The following TRABD2B variants were observed in gnomAD, a reference collection of about 807,000 sequenced individuals.
The protein encoded by TRABD2B is metalloprotease TIKI2.
A neutral mutation model predicts 40.1 loss-of-function variants in TRABD2B; 14 were observed. The observed-to-expected ratio is 0.35, with a 90% CI of 0.23 to 0.55. TRABD2B has a LOEUF of 0.55. Ranked by LOEUF, TRABD2B falls within the 20% of genes least tolerant of loss-of-function variation. TRABD2B has a pLI of 0.90. For missense variants in TRABD2B, 541 were observed against 648.6 expected, an observed-to-expected ratio of 0.83 and a Z score of 1.80; for synonymous variants, 263 against 277.0, an observed-to-expected ratio of 0.95 and a Z score of 0.50.
At chr1:47,850,544 G>C (rs1037213109) in intron 2 of TRABD2B, among the ~76,000 whole-genome samples, 2 of 152,234 alleles carry the variant, frequency 1.3e-5, no homozygotes, top group African/African-American at 2.4e-5. Flanking sequence ...TGCAGAGCTA[G>C]AGCTGAGCCT....
At chr1:47,854,047 CAT>C (rs1643866316) in intron 2 of TRABD2B, among the ~76,000 whole-genome samples, 1 of 152,228 alleles carries the variant, frequency 6.6e-6, no homozygotes, top group African/African-American at 2.4e-5. Flanking sequence ...TCCCACAATT[CAT>C]ATGACATAAT....
chr1:47,839,038 C>T (rs1645357894), intron 2 of TRABD2B, among the ~76,000 whole-genome samples: 2 of 152,196 alleles, frequency 1.3e-5, no homozygotes, highest in Admixed American at 1.3e-4. Context: ...TCCTGGTCCC[C>T]ATCTGCTGTG....
At chr1:47,949,406 T>C (rs1233175598) in intron 2 of TRABD2B, among the ~76,000 whole-genome samples, 3 of 136,874 alleles carry the variant, frequency 2.2e-5, no homozygotes, top group African/African-American at 5.3e-5. Context: ...TCTTTCTTTT[T>C]TTTTTTTTTT....
chr1:47,951,301 T>C (rs1050680184), intron 2 of TRABD2B, among the ~76,000 whole-genome samples: 1 of 152,222 alleles, frequency 6.6e-6, no homozygotes. Context: ...GGGGATTCTT[T>C]TGGGAGAAAC....
rs1365610201 is a variant in TRABD2B, at chr1:47,764,748, A to C, written c.*1154T>G. ...CTCCCTTGCAGAGAGAACGTGGCAG[A>C]ACAGGGAACAGGAGGCAGGAATTGT... On this transcript the variant is annotated 3_prime_UTR_variant, in exon 7 of 7. Transcript: ENST00000606738. The C allele has an allele frequency of 6.6e-6, 1 of 152,232 alleles. No homozygotes were observed. Among genetic ancestry groups the C allele is most frequent in the African/African-American group, 2.4e-5 (1 of 41,442 alleles). The allele number at this position is 152,232 out of a possible 1,614,324, so 9.4% of individuals were successfully genotyped here. A position where few individuals can be genotyped will look rare whatever the true frequency, so the allele number is the denominator to read the frequency against.
chr1:47,851,133 C>G (rs1339444413), intron 2 of TRABD2B, among the ~76,000 whole-genome samples: 2 of 152,120 alleles, frequency 1.3e-5, no homozygotes, highest in Non-Finnish European at 2.9e-5. Context: ...TATGAATGTT[C>G]TACCTGAGAA....
intron 2 of TRABD2B, among the ~76,000 whole-genome samples, chr1:47,828,211 A>C (rs1196722532): frequency 6.6e-6 from 1 of 151,976 alleles, no homozygotes; most frequent in Admixed American, 6.6e-5. Context: ...TCTAGCTCTC[A>C]CCCTCTGTGG....
chr1:47,792,139 T>C (rs1398684865), intron 4 of TRABD2B, among the ~76,000 whole-genome samples: 1 of 152,204 alleles, frequency 6.6e-6, no homozygotes, highest in Non-Finnish European at 1.5e-5. Context: ...CCAGATCTGT[T>C]GTTTTTGGAG....
chr1:47,979,019 AG>A (rs1297228233), intron 2 of TRABD2B, among the ~76,000 whole-genome samples: 4 of 152,008 alleles, frequency 2.6e-5, no homozygotes, highest in African/African-American at 7.2e-5. Flanking sequence ...ATGGAGGATC[AG>A]GGGGATGCTA....
At chr1:47,893,950 G>A (rs1355672058) in intron 2 of TRABD2B, among the ~76,000 whole-genome samples, 5 of 152,120 alleles carry the variant, frequency 3.3e-5, no homozygotes, top group Non-Finnish European at 7.4e-5. Context: ...GCATTATCCC[G>A]AAACCCCCAA....
At chr1:47,902,556 G>A (rs1224335692) in intron 2 of TRABD2B, among the ~76,000 whole-genome samples, 1 of 152,204 alleles carries the variant, frequency 6.6e-6, no homozygotes, top group Non-Finnish European at 1.5e-5. Context: ...CAGTGCAGTG[G>A]CACGATCATA....
chr1:47,894,078 T>G (rs1644485167), intron 2 of TRABD2B, among the ~76,000 whole-genome samples: 1 of 152,224 alleles, frequency 6.6e-6, no homozygotes, highest in Non-Finnish European at 1.5e-5. Context: ...ATTCAAATAC[T>G]ATTATTGAGG....
chr1:47,916,972 C>A (rs958584167), intron 2 of TRABD2B, among the ~76,000 whole-genome samples: 7 of 152,240 alleles, frequency 4.6e-5, no homozygotes, highest in Admixed American at 4.6e-4. Context: ...TTCTATGAAG[C>A]AGGTACTGTT....
intron 2 of TRABD2B, among the ~76,000 whole-genome samples, chr1:47,907,116 A>G (rs1644689659): frequency 1.3e-5 from 2 of 152,348 alleles, no homozygotes; most frequent in Non-Finnish European, 2.9e-5. Flanking sequence ...TTCCAGGCAC[A>G]AAAGTGTGGC....
intron 2 of TRABD2B, among the ~76,000 whole-genome samples, chr1:47,889,910 A>C (rs1040239635): frequency 1.3e-5 from 2 of 152,218 alleles, no homozygotes; most frequent in Admixed American, 6.5e-5. Context: ...GAATTTGTAA[A>C]TGTGCTTAGG....
chr1:47,986,970 C>A (rs1253116164), intron 2 of TRABD2B, among the ~76,000 whole-genome samples: 1 of 152,196 alleles, frequency 6.6e-6, no homozygotes, highest in African/African-American at 2.4e-5. Context: ...TATTTAGAAG[C>A]AAACTCAAGG....
chr1:47,933,448 G>C (rs1447726482), intron 2 of TRABD2B, among the ~76,000 whole-genome samples: 1 of 152,116 alleles, frequency 6.6e-6, no homozygotes, highest in African/African-American at 2.4e-5. Flanking sequence ...TTGTGCTTTG[G>C]CAGCAATGAG....
Position 47,839,182 on chromosome 1 carries a change from C to T in TRABD2B, c.667-37563G>A, listed in dbSNP as rs112900023. Among the ~76,000 whole-genome samples, 495 of 152,152 alleles carry T rather than the reference C, an allele frequency of 3.3e-3. 6 individuals carry two copies. The highest frequency in any genetic ancestry group is 0.01 in the African/African-American group (435 of 41,512). ...GTTATACAATGGAGTAAGCGTTACC[C>T]GAGAGGTCACAACCCCACCACAGAG... is the stretch of plus-strand genomic sequence containing the variant. On this transcript the variant is annotated intron_variant, in intron 2 of 6. Coordinates refer to ENST00000606738, the MANE Select transcript of TRABD2B (RefSeq NM_001194986.2).
At chr1:47,833,841 C>G (rs1023951477) in intron 2 of TRABD2B, among the ~76,000 whole-genome samples, 2 of 152,218 alleles carry the variant, frequency 1.3e-5, no homozygotes, top group African/African-American at 4.8e-5. Context: ...CATAAAGCAA[C>G]AAGAACACAG....
Sources: gnomAD v4.1 joint callset for allele counts (sites outside exome capture counted in the v4.1 genomes callset) on GRCh38, gnomAD v4.1.1 for gene constraint, MANE v1.5 for transcripts, NCBI Gene and HGNC (gene_info 2026-07-23, HGNC 2026-07-21) for gene names.